Variants in PRKD1 observed in about 807,000 individuals in gnomAD.
The protein encoded by PRKD1 is serine/threonine-protein kinase D1.
PRKD1 carries 63 observed loss-of-function variants against 95.9 expected under a neutral mutation model. The observed-to-expected ratio is 0.66, with a 90% CI of 0.54 to 0.81. The LOEUF is 0.81. Ranked by LOEUF, PRKD1 falls within the 30% of genes least tolerant of loss-of-function variation. PRKD1 has a pLI of 0.00. For missense variants in PRKD1, 1,048 were observed against 1,165.3 expected (o/e 0.90, Z 1.47); for synonymous variants, 425 against 423.1 (o/e 1.00, Z -0.05).
At chr14:29,653,138 A>G (rs17115141) in intron 4 of PRKD1, among the ~76,000 whole-genome samples, 2,168 of 152,280 alleles carry the variant, frequency 0.014, 53 homozygotes, top group African/African-American at 0.049. Context: ...AAATAATAGC[A>G]GTTTATGGCC....
In PRKD1 at chr14:29,727,040, C is replaced by T. The variant is rs901321122; in HGVS notation, c.265-1366G>A. On this transcript the variant is annotated intron_variant, in intron 1 of 17. Transcript: ENST00000331968. ...ACAGTGTAAAAGTGCTCCTGTTTCT[C>T]CACATCCTCTCCAGCAGCTGTTGTT... is the stretch of plus-strand genomic sequence containing the variant. Among the ~76,000 whole-genome samples, 5 of 152,134 alleles carry T rather than the reference C, an allele frequency of 3.3e-5. No individual in the cohort carries two copies. The South Asian group carries it at 1.0e-3, about 32-fold the overall frequency.
chr14:29,677,264 A>C (rs937795110), intron 2 of PRKD1, among the ~76,000 whole-genome samples: 7 of 152,180 alleles, frequency 4.6e-5, no homozygotes, highest in Non-Finnish European at 1.0e-4. Context: ...TATTAATTTT[A>C]TTTAAACCCC....
At chr14:29,833,557 C>T (rs1179192492) in intron 1 of PRKD1, among the ~76,000 whole-genome samples, 1 of 151,998 alleles carries the variant, frequency 6.6e-6, no homozygotes, top group Non-Finnish European at 1.5e-5. Context: ...AGGCAGTGTG[C>T]CTCAGAGGAA....
chr14:29,605,214 G>A (rs1434134512), intron 13 of PRKD1, among the ~76,000 whole-genome samples: 1 of 143,828 alleles, frequency 7.0e-6, no homozygotes, highest in Admixed American at 6.7e-5. Context: ...CTGCCACTGT[G>A]ATCTTCCCAA....
At chr14:29,925,014 T>A (rs1357768707) in intron 1 of PRKD1, among the ~76,000 whole-genome samples, 1 of 152,176 alleles carries the variant, frequency 6.6e-6, no homozygotes. Flanking sequence ...TGTATATAAA[T>A]AACCCTCAAG....
At chr14:29,711,652 G>A (rs1039798525) in intron 2 of PRKD1, among the ~76,000 whole-genome samples, 1 of 152,086 alleles carries the variant, frequency 6.6e-6, no homozygotes, top group Non-Finnish European at 1.5e-5. Context: ...TCATGAACAA[G>A]TCTTTTCAGA....
At chr14:29,686,323 G>C (rs1883867809) in intron 2 of PRKD1, among the ~76,000 whole-genome samples, 1 of 152,160 alleles carries the variant, frequency 6.6e-6, no homozygotes, top group African/African-American at 2.4e-5. Context: ...GGAAGCGTCT[G>C]GGGGAATGAC....
chr14:29,818,802 GT>G (rs1890795621), intron 1 of PRKD1, among the ~76,000 whole-genome samples: 1 of 151,764 alleles, frequency 6.6e-6, no homozygotes, highest in African/African-American at 2.4e-5. Flanking sequence ...TTAAAATGAT[GT>G]TCTATTTCTA....
At chr14:29,909,297 C>A (rs574313705) in intron 1 of PRKD1, among the ~76,000 whole-genome samples, 1 of 148,924 alleles carries the variant, frequency 6.7e-6, no homozygotes, top group African/African-American at 2.5e-5. Flanking sequence ...ACCCCCCCCG[C>A]CCCCCATGGG....
chr14:29,696,000 G>A (rs1288674390), intron 2 of PRKD1, among the ~76,000 whole-genome samples: 2 of 152,186 alleles, frequency 1.3e-5, no homozygotes, highest in Non-Finnish European at 2.9e-5. Flanking sequence ...TGATCCATTT[G>A]AGCCAGATAA....
chr14:29,815,996 G>A (rs1890674368), intron 1 of PRKD1, among the ~76,000 whole-genome samples: 1 of 152,064 alleles, frequency 6.6e-6, no homozygotes, highest in Non-Finnish European at 1.5e-5. Flanking sequence ...GAGGTGGGCG[G>A]ATCACAAAGT....
intron 1 of PRKD1, among the ~76,000 whole-genome samples, chr14:29,888,183 T>C (rs1893802149): frequency 3.3e-5 from 5 of 152,026 alleles, no homozygotes; most frequent in Admixed American, 1.3e-4. Flanking sequence ...CATGTGTCTA[T>C]AGTCCCAGCA....
Position 29,584,315 on chromosome 14 carries a change from C to T in PRKD1, c.2435-5955G>A, listed in dbSNP as rs185813504. Among the ~76,000 whole-genome samples, 226 of 152,068 alleles carry T rather than the reference C, an allele frequency of 1.5e-3. 1 individual carries two copies. Among genetic ancestry groups the T allele is most frequent in the African/African-American group, 5.3e-3 (219 of 41,428 alleles). On this transcript the variant is annotated intron_variant, in intron 16 of 17. Transcript: ENST00000331968. ...ATGCAGAAGGTAGATTTACAGGTGT[C>T]ATTGTTGTGGCTAAACTGAAAGGCA...
chr14:29,609,376 A>ATTAG (rs1352938596), intron 13 of PRKD1, among the ~76,000 whole-genome samples: 16 of 152,096 alleles, frequency 1.1e-4, no homozygotes, highest in Non-Finnish European at 5.9e-5. Flanking sequence ...TTCATCATAA[A>ATTAG]TTAGTTGTAG....
intron 2 of PRKD1, among the ~76,000 whole-genome samples, chr14:29,710,616 T>C (rs935087971): frequency 6.6e-6 from 1 of 151,978 alleles, no homozygotes; most frequent in Non-Finnish European, 1.5e-5. Context: ...CAACAAAATG[T>C]AATGTGCTAG....
intron 2 of PRKD1, among the ~76,000 whole-genome samples, chr14:29,715,266 C>A (rs914913585): frequency 6.6e-6 from 1 of 151,602 alleles, no homozygotes; most frequent in Admixed American, 6.6e-5. Flanking sequence ...CAAGTTTATA[C>A]CCTCTTTGGA....
At chr14:29,621,697 C>T (rs770007730) in intron 13 of PRKD1, among the ~76,000 whole-genome samples, 1 of 152,104 alleles carries the variant, frequency 6.6e-6, no homozygotes, top group African/African-American at 2.4e-5. Flanking sequence ...AATTTAAAGA[C>T]CCATGACAGC....
intron 1 of PRKD1, among the ~76,000 whole-genome samples, chr14:29,925,612 A>AG (rs1186661218): frequency 6.6e-6 from 1 of 152,124 alleles, no homozygotes; most frequent in East Asian, 1.9e-4. Flanking sequence ...ACTAGGCATC[A>AG]GTCTCCCCAT....
chr14:29,623,312 T>G (rs1465047066), intron 13 of PRKD1, among the ~76,000 whole-genome samples: 1 of 152,208 alleles, frequency 6.6e-6, no homozygotes, highest in East Asian at 1.9e-4. Context: ...TCATATCTTT[T>G]TCAGGTTTTT....
Sources: allele counts gnomAD v4.1 joint callset (sites outside exome capture counted in the v4.1 genomes callset), GRCh38; gene constraint gnomAD v4.1.1; transcripts MANE v1.5; gene names NCBI Gene and HGNC (gene_info 2026-07-23, HGNC 2026-07-21).